Variants in MAP3K14 observed in about 807,000 individuals in gnomAD.
MAP3K14 encodes NF-kappa-beta-inducing kinase.
Under a neutral mutation model 99.2 loss-of-function variants are expected in MAP3K14, and 16 were observed. That is an observed-to-expected ratio of 0.16 (90% confidence interval 0.11 to 0.24). The LOEUF is 0.24. MAP3K14 is among the 10% of genes least tolerant of loss of function. The probability of loss-of-function intolerance (pLI) is 1.00; values close to 1 mark genes in which losing one functional copy is unlikely to be tolerated. For missense variants in MAP3K14, 784 were observed against 1,208.7 expected (o/e 0.65, Z 5.21); for synonymous variants, 462 against 492.4 (o/e 0.94, Z 0.82).
intron 2 of MAP3K14, among the ~76,000 whole-genome samples, chr17:45,289,825 C>A (rs2044296517): frequency 6.6e-6 from 1 of 152,206 alleles, no homozygotes; most frequent in Admixed American, 6.5e-5. Flanking sequence ...GAAATGACAG[C>A]ATGGCTGTCC....
chr17:45,304,783 T>C (rs920705056), intron 1 of MAP3K14, among the ~76,000 whole-genome samples: 2 of 152,220 alleles, frequency 1.3e-5, no homozygotes, highest in African/African-American at 4.8e-5. Flanking sequence ...CATGACAGGA[T>C]GGCCTTGGAG....
chr17:45,265,874 T>C (rs1598237728), intron 14 of MAP3K14, among the ~76,000 whole-genome samples: 1 of 152,252 alleles, frequency 6.6e-6, no homozygotes. Context: ...CTGGCTCCTA[T>C]GGGGAAGTAG....
rs540877367 is a variant in MAP3K14, at chr17:45,287,061, C to A, written c.538-16G>T. 2 of 1,608,290 alleles carry A rather than the reference C, an allele frequency of 1.2e-6. No individual in the cohort carries two copies. Among genetic ancestry groups the A allele is most frequent in the Middle Eastern group, 1.7e-4 (1 of 6,038 alleles). On this transcript the variant is annotated splice_polypyrimidine_tract_variant and intron_variant, in intron 4 of 15. Coordinates refer to ENST00000344686, the MANE Select transcript of MAP3K14 (RefSeq NM_003954.5). ...ACTCATCCTCCTGCGGGGGGAAACA[C>A]AGCTATCAGCACAGAGGGCCAGGGC...
chr17:45,315,760 C>G (rs975998966), intron 1 of MAP3K14, among the ~76,000 whole-genome samples: 4 of 152,138 alleles, frequency 2.6e-5, no homozygotes, highest in Admixed American at 2.6e-4. Context: ...ATACCACCCC[C>G]ACTCCCTCAT....
intron 1 of MAP3K14, among the ~76,000 whole-genome samples, chr17:45,304,539 G>A (rs1385722500): frequency 6.6e-6 from 1 of 152,162 alleles, no homozygotes; most frequent in Non-Finnish European, 1.5e-5. Flanking sequence ...GTTTCTATGT[G>A]TCAGAGAAGT....
rs994207003 is a variant in MAP3K14, at chr17:45,289,105, T to C, written c.326+131A>G. 2.9e-5 allele frequency: 20 copies of C among 700,214 alleles called. No homozygotes were observed. The African/African-American group carries it at 3.2e-4, about 11-fold the overall frequency. 43.4% of individuals were successfully genotyped at this position (700,214 alleles called of 1,614,324 possible). ...GCTCAGCCAGGAAAGCCTGGGTGAG[T>C]TCCAGGAGCTGAACCACAGGTGCTG... On this transcript the variant is annotated intron_variant, in intron 3 of 15. Transcript: ENST00000344686.
At chr17:45,287,513 A>C in intron 3 of MAP3K14, 149 bp from the exon 4 acceptor site, 1 of 642,136 alleles carries the variant, frequency 1.6e-6, no homozygotes, top group Non-Finnish European at 2.7e-6. Context: ...TCTAAATCCC[A>C]AGGAACCTGT....
chr17:45,278,460 C>T (rs568502191), intron 6 of MAP3K14, among the ~76,000 whole-genome samples: 39 of 152,254 alleles, frequency 2.6e-4, no homozygotes, highest in African/African-American at 8.9e-4. Context: ...TCCCAGGCAC[C>T]GGTAAAGCCC....
At chr17:45,270,694 G>GACC in intron 10 of MAP3K14, 131 bp from the exon 11 acceptor site, 1 of 1,289,092 alleles carries the variant, frequency 7.8e-7, no homozygotes, top group South Asian at 1.6e-5. Flanking sequence ...GGAATGGAGG[G>GACC]GTCTGGGCTA....
At chr17:45,282,342 G>A (rs1344663872) in intron 6 of MAP3K14, among the ~76,000 whole-genome samples, 1 of 152,040 alleles carries the variant, frequency 6.6e-6, no homozygotes, top group East Asian at 1.9e-4. Context: ...TTGGGAGGTT[G>A]CCCAGGAGTT....
intron 6 of MAP3K14, among the ~76,000 whole-genome samples, chr17:45,283,342 C>T (rs556895990): frequency 6.6e-6 from 1 of 152,370 alleles, no homozygotes; most frequent in South Asian, 2.1e-4. Flanking sequence ...ATGATCCACA[C>T]TGGCAAGAAC....
In MAP3K14 at chr17:45,316,177, C is replaced by T. The variant is rs137879571; in HGVS notation, c.-21+783G>A. Reference sequence around the variant, plus strand: ...CCAGTCCACCCTTTAGGGCCGAGAGCAACTTTTTAACCTCGACTAGGAAGG... The same window carrying T: ...CCAGTCCACCCTTTAGGGCCGAGAGTAACTTTTTAACCTCGACTAGGAAGG... On this transcript the variant is annotated intron_variant, in intron 1 of 15. Coordinates refer to ENST00000344686, the MANE Select transcript of MAP3K14 (RefSeq NM_003954.5). Among the ~76,000 whole-genome samples, 548 of 152,316 alleles carry T rather than the reference C, an allele frequency of 3.6e-3. 7 individuals are homozygous for T. Among genetic ancestry groups the T allele is most frequent in the Middle Eastern group, 0.017 (5 of 294 alleles).
At chr17:45,312,931 T>C (rs1265390515) in intron 1 of MAP3K14, among the ~76,000 whole-genome samples, 1 of 152,172 alleles carries the variant, frequency 6.6e-6, no homozygotes, top group African/African-American at 2.4e-5. Context: ...TACAGTATTT[T>C]CCCTTTCCTC....
Position 45,286,800 on chromosome 17 carries a change from G to C in MAP3K14, c.783C>G (p.Ser261Arg), listed in dbSNP as rs765537731. The C allele has an allele frequency of 3.7e-6, 6 of 1,613,228 alleles. No homozygotes were observed. The East Asian group carries it at 1.3e-4, about 36-fold the overall frequency. The change falls in exon 5 of 16, where the codon AGC becomes AGG. Residue 261 changes from serine (S) to arginine (R), a missense_variant. Physicochemically the swap from Ser to Arg is moderately radical, Grantham distance 110. Coordinates refer to ENST00000344686, the MANE Select transcript of MAP3K14 (RefSeq NM_003954.5). This position sits in a 1 kb window ranked among gnomAD's most constrained non-coding sequence, Gnocchi z 4.1. Reference sequence around the variant, plus strand: ...GGAATGGGAAGGGATGAGGCAGTCTGCTATAGGGGAAGGGGTGCGTGGGCA... The same window carrying C: ...GGAATGGGAAGGGATGAGGCAGTCTCCTATAGGGGAAGGGGTGCGTGGGCA... The part of the protein sequence containing the change: ...LPLPTHPFPY[S>R]RLPHPFPFHP...
intron 2 of MAP3K14, among the ~76,000 whole-genome samples, chr17:45,290,254 T>C (rs2044300104): frequency 6.6e-6 from 1 of 152,112 alleles, no homozygotes; most frequent in Admixed American, 6.5e-5. Flanking sequence ...GTCTGTTACC[T>C]CTCTTCCCCT....
At chr17:45,309,411 G>T (rs1016011972) in intron 1 of MAP3K14, among the ~76,000 whole-genome samples, 4 of 152,200 alleles carry the variant, frequency 2.6e-5, no homozygotes, top group Non-Finnish European at 5.9e-5. Flanking sequence ...CCAGCACCGG[G>T]GTTGACCTGT....
Position 45,289,232 on chromosome 17 carries a change from T to A in MAP3K14, c.326+4A>T. ...TCCCACTCAGGCTTGTCTCCCCTGCTTACCTGTACTGTTTGGACCCAGCGA... is the reference window on the plus strand; with the variant it reads ...TCCCACTCAGGCTTGTCTCCCCTGCATACCTGTACTGTTTGGACCCAGCGA... On this transcript the variant is annotated splice_donor_region_variant and intron_variant, in intron 3 of 15. Transcript: ENST00000344686. 1 of 1,613,700 alleles carries A rather than the reference T, an allele frequency of 6.2e-7. No individual in the cohort carries two copies. The highest frequency in any genetic ancestry group is 1.3e-5 in the African/African-American group (1 of 75,040).
In MAP3K14 at chr17:45,290,363, G is replaced by A; in HGVS notation, c.256+127C>T. On this transcript the variant is annotated intron_variant, in intron 2 of 15. Coordinates refer to ENST00000344686, the MANE Select transcript of MAP3K14 (RefSeq NM_003954.5). ...TGATTCTCGGCACAGACCTCTGGTTGTGTCTCATGAGAATCTTATCTAGCA... is the reference window on the plus strand; with the variant it reads ...TGATTCTCGGCACAGACCTCTGGTTATGTCTCATGAGAATCTTATCTAGCA... 7 of 1,191,954 alleles carry A rather than the reference G, an allele frequency of 5.9e-6. No individual in the cohort carries two copies. In the South Asian group the frequency reaches 9.1e-5, roughly 15 times the overall value. The allele number at this position is 1,191,954 out of a possible 1,614,324, so 73.8% of individuals were successfully genotyped here. A position where few individuals can be genotyped will look rare whatever the true frequency, so the allele number is the denominator to read the frequency against.
intron 1 of MAP3K14, among the ~76,000 whole-genome samples, chr17:45,292,236 G>A (rs1294990459): frequency 6.7e-6 from 1 of 149,808 alleles, no homozygotes; most frequent in African/African-American, 2.4e-5. Context: ...TGAGGAGGCT[G>A]AATGGGTGGC....
Sources: gnomAD v4.1 joint callset for allele counts (sites outside exome capture counted in the v4.1 genomes callset) on GRCh38, gnomAD v4.1.1 for gene constraint, Gnocchi (gnomAD v3.1) non-coding constraint, MANE v1.5 for transcripts, NCBI Gene and HGNC (gene_info 2026-07-23, HGNC 2026-07-21) for gene names.